FOXE1: variants seen among roughly 807,000 people sequenced by gnomAD.
FOXE1 encodes the protein forkhead box E1, also known as forkhead box protein E1.
In FOXE1, 4 loss-of-function variants were observed where a neutral mutation model predicts 2.1. The ratio of observed to expected loss-of-function variants is 1.91; its 90% CI spans 0.94 to 4.37. The LOEUF is 4.37. Among genes scored for constraint, FOXE1 ranks in the 30% most tolerant of loss-of-function variants. FOXE1 has a pLI of 0.01. For synonymous variants in FOXE1, 277 were observed against 272.4 expected (o/e 1.02, Z -0.17); for missense variants, 574 against 583.3 (o/e 0.98, Z 0.16).
In FOXE1 at chr9:97,854,063, A is replaced by C. The variant is rs750321507; in HGVS notation, c.149A>C (p.Gln50Pro). ...AGGRRRKRPL[Q>P]RGKPPYSYIA... ...GGGCGGCGCCGCAAGCGCCCCCTGC[A>C]GCGCGGGAAGCCGCCCTACAGCTAC... is the stretch of plus-strand genomic sequence containing the variant. The change falls in exon 1 of 1, where the codon CAG (glutamine) becomes CCG (proline). Residue 50 changes from glutamine to proline, a missense_variant. By Grantham distance (76) the Gln-to-Pro change is moderately conservative. Transcript: ENST00000375123. The C allele has an allele frequency of 1.3e-6, 2 of 1,550,664 alleles. No homozygotes were observed. The highest frequency in any genetic ancestry group is 2.4e-5 in the South Asian group (2 of 84,648).
In FOXE1 at chr9:97,853,877, C is replaced by T; in HGVS notation, c.-38C>T. 1 of 1,253,690 alleles carries T rather than the reference C, an allele frequency of 8.0e-7. No individual in the cohort carries two copies. Among genetic ancestry groups the T allele is most frequent in the South Asian group, 3.2e-5 (1 of 30,880 alleles). The allele number at this position is 1,253,690 out of a possible 1,614,324, so 77.7% of individuals were successfully genotyped here. ...GCCCGCCCCCGCCCCCCGACAGCCG[C>T]GGGGATCCAGAGCCCGGGGGTGCGG... On this transcript the variant is annotated 5_prime_UTR_variant, in exon 1 of 1. Coordinates refer to ENST00000375123, the MANE Select transcript of FOXE1 (RefSeq NM_004473.4).
Position 97,854,666 on chromosome 9 carries a change from C to T in FOXE1, c.752C>T (p.Ser251Phe). ...SGPGGSCAFA[S>F]AGAPATTTGY... ...CCCGGCGGCTCTTGCGCCTTTGCCT[C>T]CGCCGGCGCCCCCGCTACCACCACC... Residue 251 changes from serine to phenylalanine, a missense_variant, in exon 1 of 1, where the codon TCC (serine) becomes TTC (phenylalanine). By Grantham distance (155) the Ser-to-Phe change is radical. This residue lies in a region of FOXE1 where 316 missense variants were observed against 288.4 expected (regional missense o/e 1.10). Transcript: ENST00000375123. The T allele has an allele frequency of 1.4e-6, 2 of 1,402,784 alleles. No individual in the cohort carries two copies. Among genetic ancestry groups the T allele is most frequent in the South Asian group, 3.1e-5 (2 of 65,212 alleles). The allele number at this position is 1,402,784 out of a possible 1,614,324, so 86.9% of individuals were successfully genotyped here.
At position 97,855,439 on chromosome 9, in the gene FOXE1, C is replaced by T; in HGVS notation, c.*403C>T. The T allele has an allele frequency of 3.4e-6, 1 of 294,448 alleles. No individual in the cohort carries two copies. The highest frequency in any genetic ancestry group is 7.9e-5 in the East Asian group (1 of 12,602). The allele number at this position is 294,448 out of a possible 1,614,324, so 18.2% of individuals were successfully genotyped here. On this transcript the variant is annotated 3_prime_UTR_variant, in exon 1 of 1. Coordinates refer to ENST00000375123, the MANE Select transcript of FOXE1 (RefSeq NM_004473.4). ...CTCGGGCCTTTTTACGCGGTTCGTC[C>T]TCTAGTGCCTTTAACTGCGTTACTA...
chr9:97,853,784 G>C lies in FOXE1; in HGVS notation c.-131G>C, dbSNP rs1867280. ...TGCCAGCCTGGGCCGCTGGGCTCTC[G>C]GGGCCAGCCCGCGACGATCCCCTGA... On this transcript the variant is annotated 5_prime_UTR_variant, in exon 1 of 1. Transcript: ENST00000375123. The C allele has an allele frequency of 0.62, 529,501 of 847,778 alleles. 166,969 individuals are homozygous for C. Among genetic ancestry groups the C allele is most frequent in the East Asian group, 0.88 (23,712 of 27,062 alleles). 52.5% of individuals were successfully genotyped at this position (847,778 alleles called of 1,614,324 possible).
In FOXE1 at chr9:97,854,493, G is replaced by A. The variant is rs1233996920; in HGVS notation, c.579G>A (p.Pro193=). 1 of 1,228,778 alleles carries A rather than the reference G, an allele frequency of 8.1e-7. No homozygotes were observed. Among genetic ancestry groups the A allele is most frequent in the Non-Finnish European group, 1.0e-6 (1 of 988,766 alleles). 76.1% of individuals were successfully genotyped at this position (1,228,778 alleles called of 1,614,324 possible). Residue 193 remains proline, a synonymous_variant, in exon 1 of 1, where the codon CCG becomes CCA. Coordinates refer to ENST00000375123, the MANE Select transcript of FOXE1 (RefSeq NM_004473.4). ...GAVPAARPPY[P]GAVYAGYAPP... is the part of the protein sequence containing the mutation. ...TGCCCGCCGCGCGCCCCCCCTACCC[G>A]GGCGCCGTCTATGCAGGCTACGCGC...
Position 97,855,101 on chromosome 9 carries a change from C to T in FOXE1, c.*65C>T. ...TCACACGTTCCCCGCAATCTGAGAACGAACAGGAATGGAGAGAGGACTCAA... is the reference window on the plus strand; with the variant it reads ...TCACACGTTCCCCGCAATCTGAGAATGAACAGGAATGGAGAGAGGACTCAA... On this transcript the variant is annotated 3_prime_UTR_variant, in exon 1 of 1. Transcript: ENST00000375123. 1 of 1,578,296 alleles carries T rather than the reference C, an allele frequency of 6.3e-7. No individual in the cohort carries two copies.
rs919806056 is a variant in FOXE1, at chr9:97,854,031, G to T, written c.117G>T (p.Gly39=). ...AGVPGEATGR[G]AGGRRRKRPL... The stretch of plus-strand genomic sequence containing the variant: ...TCCCAGGGGAGGCCACGGGCCGCGG[G>T]GCGGGCGGGCGGCGCCGCAAGCGCC... The change falls in exon 1 of 1, where the codon GGG becomes GGT. Residue 39 remains glycine, a synonymous_variant. Transcript: ENST00000375123. 37 of 1,434,824 alleles carry T rather than the reference G, an allele frequency of 2.6e-5. No homozygotes were observed. Among genetic ancestry groups the T allele is most frequent in the Admixed American group, 6.1e-5 (2 of 32,810 alleles). The allele number at this position is 1,434,824 out of a possible 1,614,324, so 88.9% of individuals were successfully genotyped here.
rs941943521 is a variant in FOXE1 at position 97,856,250 on chromosome 9, T to C, written c.*1214T>C. The C allele has an allele frequency of 1.8e-5, 3 of 167,230 alleles. No homozygotes were observed. The highest frequency in any genetic ancestry group is 3.4e-3 in the Middle Eastern group (1 of 296). 10.4% of individuals were successfully genotyped at this position (167,230 alleles called of 1,614,324 possible). A position where few individuals can be genotyped will look rare whatever the true frequency, so the allele number is the denominator to read the frequency against. Reference sequence around the variant, plus strand: ...GAAAGAAACTGGAATTTTAACTTCATTTTGTATCTTGCTTAAGTAGCAGGC... The same window carrying C: ...GAAAGAAACTGGAATTTTAACTTCACTTTGTATCTTGCTTAAGTAGCAGGC... On this transcript the variant is annotated 3_prime_UTR_variant, in exon 1 of 1. Coordinates refer to ENST00000375123, the MANE Select transcript of FOXE1 (RefSeq NM_004473.4).
chr9:97,854,389 G>C lies in FOXE1; in HGVS notation c.475G>C (p.Ala159Pro). Reference sequence around the variant, plus strand: ...GCGCTCGGACCTCTCCACCTACCCGGCTTACATGCACGACGCGGCGGCTGC... The same window carrying C: ...GCGCTCGGACCTCTCCACCTACCCGCCTTACATGCACGACGCGGCGGCTGC... ...FKRSDLSTYP[A>P]YMHDAAAAAA... Residue 159 changes from alanine to proline, a missense_variant, in exon 1 of 1, where the codon GCT (alanine) becomes CCT (proline). Ala to Pro is a conservative substitution (Grantham distance 27). This residue lies in a region of FOXE1 where 249 missense variants were observed against 269.6 expected (regional missense o/e 0.92). Transcript: ENST00000375123. 7.0e-7 allele frequency: 1 copy of C among 1,426,256 alleles called. No homozygotes were observed. The highest frequency in any genetic ancestry group is 9.2e-7 in the Non-Finnish European group (1 of 1,088,654). The allele number at this position is 1,426,256 out of a possible 1,614,324, so 88.4% of individuals were successfully genotyped here.
At position 97,853,625 on chromosome 9, in the gene FOXE1, C is replaced by T. The variant is rs1830619793; in HGVS notation, c.-290C>T. ...CTTCAGCCGGAGACCAGAGTCCAGT[C>T]CCGGTCACGAGGCCACCGCCGCTGC... On this transcript the variant is annotated 5_prime_UTR_variant, in exon 1 of 1. Coordinates refer to ENST00000375123, the MANE Select transcript of FOXE1 (RefSeq NM_004473.4). 1 of 342,404 alleles carries T rather than the reference C, an allele frequency of 2.9e-6. No individual in the cohort carries two copies. Among genetic ancestry groups the T allele is most frequent in the Non-Finnish European group, 5.2e-6 (1 of 191,282 alleles). 21.2% of individuals were successfully genotyped at this position (342,404 alleles called of 1,614,324 possible). A position where few individuals can be genotyped will look rare whatever the true frequency, so the allele number is the denominator to read the frequency against.
Position 97,854,277 on chromosome 9 carries a change from G to A in FOXE1, c.363G>A (p.Pro121=), listed in dbSNP as rs376119136. Residue 121 remains proline (P), a synonymous_variant, in exon 1 of 1, where the codon CCG becomes CCA. Transcript: ENST00000375123. ...AGATCCCGCGCGAGGCCGGCCGCCC[G>A]GGTAAGGGCAACTACTGGGCGCTTG... ...FLKIPREAGR[P]GKGNYWALDP... 8.7e-6 allele frequency: 14 copies of A among 1,612,632 alleles called. No homozygotes were observed. The highest frequency in any genetic ancestry group is 2.2e-5 in the East Asian group (1 of 44,778).
chr9:97,854,630 C>A lies in FOXE1; in HGVS notation c.716C>A (p.Ala239Glu). 1 of 1,393,020 alleles carries A rather than the reference C, an allele frequency of 7.2e-7. No homozygotes were observed. The highest frequency in any genetic ancestry group is 9.2e-7 in the Non-Finnish European group (1 of 1,082,608). 86.3% of individuals were successfully genotyped at this position (1,393,020 alleles called of 1,614,324 possible). The change falls in exon 1 of 1, where the codon GCA becomes GAA. Residue 239 changes from alanine (A) to glutamate (E), a missense_variant. Around this residue, in one of 3 missense-constraint regions of FOXE1, gnomAD observed 316 missense variants for 288.4 expected, o/e 1.10. Transcript: ENST00000375123. ...ERPLSPELGP[A>E]PSGPGGSCAF... Reference sequence around the variant, plus strand: ...CCGCTCAGCCCAGAGCTGGGGCCCGCACCGTCGGGGCCCGGCGGCTCTTGC... The same window carrying A: ...CCGCTCAGCCCAGAGCTGGGGCCCGAACCGTCGGGGCCCGGCGGCTCTTGC...
At position 97,854,487 on chromosome 9, in the gene FOXE1, C is replaced by T. The variant is rs1223667034; in HGVS notation, c.573C>T (p.Pro191=). 6.5e-6 allele frequency: 8 copies of T among 1,230,318 alleles called. No individual in the cohort carries two copies. The African/African-American group carries it at 9.5e-5, about 15-fold the overall frequency. 76.2% of individuals were successfully genotyped at this position (1,230,318 alleles called of 1,614,324 possible). A position where few individuals can be genotyped will look rare whatever the true frequency, so the allele number is the denominator to read the frequency against. The change falls in exon 1 of 1, where the codon CCC becomes CCT. Residue 191 remains proline, a synonymous_variant. Coordinates refer to ENST00000375123, the MANE Select transcript of FOXE1 (RefSeq NM_004473.4). ...FPGAVPAARP[P]YPGAVYAGYA... ...GCGCGGTGCCCGCCGCGCGCCCCCC[C>T]TACCCGGGCGCCGTCTATGCAGGCT...
At position 97,854,284 on chromosome 9, in the gene FOXE1, G is replaced by C. The variant is rs774035532; in HGVS notation, c.370G>C (p.Gly124Arg). ...IPREAGRPGKGNYWALDPNAE... is the reference protein window; with the variant it reads ...IPREAGRPGKRNYWALDPNAE... ...GCGCGAGGCCGGCCGCCCGGGTAAG[G>C]GCAACTACTGGGCGCTTGACCCCAA... Residue 124 changes from glycine to arginine, a missense_variant, in exon 1 of 1, where the codon GGC becomes CGC. By Grantham distance (125) the Gly-to-Arg change is moderately radical. Transcript: ENST00000375123. 2.5e-6 allele frequency: 4 copies of C among 1,612,542 alleles called. No homozygotes were observed. The Admixed American group carries it at 6.7e-5, about 27-fold the overall frequency.
At position 97,854,029 on chromosome 9, in the gene FOXE1, G is replaced by A. The variant is rs1830626577; in HGVS notation, c.115G>A (p.Gly39Arg). Reference protein sequence around the residue: ...AGVPGEATGRGAGGRRRKRPL... With the variant: ...AGVPGEATGRRAGGRRRKRPL... ...GGTCCCAGGGGAGGCCACGGGCCGC[G>A]GGGCGGGCGGGCGGCGCCGCAAGCG... The change falls in exon 1 of 1, where the codon GGG (glycine) becomes AGG (arginine). Residue 39 changes from glycine to arginine, a missense_variant. Gly to Arg is a moderately radical substitution (Grantham distance 125, BLOSUM62 -2). Transcript: ENST00000375123. The A allele has an allele frequency of 1.4e-6, 2 of 1,425,198 alleles. No homozygotes were observed. The highest frequency in any genetic ancestry group is 1.8e-6 in the Non-Finnish European group (2 of 1,093,566). 88.3% of individuals were successfully genotyped at this position (1,425,198 alleles called of 1,614,324 possible). A position where few individuals can be genotyped will look rare whatever the true frequency, so the allele number is the denominator to read the frequency against.
chr9:97,854,629 G>T lies in FOXE1; in HGVS notation c.715G>T (p.Ala239Ser), dbSNP rs756579198. 7.2e-7 allele frequency: 1 copy of T among 1,390,750 alleles called. No homozygotes were observed. Among genetic ancestry groups the T allele is most frequent in the Admixed American group, 3.5e-5 (1 of 28,244 alleles). The allele number at this position is 1,390,750 out of a possible 1,614,324, so 86.2% of individuals were successfully genotyped here. The change falls in exon 1 of 1, where the codon GCA becomes TCA. Residue 239 changes from alanine (A) to serine (S), a missense_variant. Ala to Ser is a moderately conservative substitution (Grantham distance 99). Coordinates refer to ENST00000375123, the MANE Select transcript of FOXE1 (RefSeq NM_004473.4). The stretch of plus-strand genomic sequence containing the variant: ...GCCGCTCAGCCCAGAGCTGGGGCCC[G>T]CACCGTCGGGGCCCGGCGGCTCTTG... ...ERPLSPELGPAPSGPGGSCAF... is the reference protein window; with the variant it reads ...ERPLSPELGPSPSGPGGSCAF...
chr9:97,853,913 C>T lies in FOXE1; in HGVS notation c.-2C>T. On this transcript the variant is annotated 5_prime_UTR_variant, in exon 1 of 1. Transcript: ENST00000375123. ...AGCCCGGGGGTGCGGGACGCCCGCG[C>T]CATGACTGCCGAGAGCGGGCCGCCG... 7.8e-7 allele frequency: 1 copy of T among 1,286,658 alleles called. No homozygotes were observed. The highest frequency in any genetic ancestry group is 3.2e-5 in the East Asian group (1 of 31,144). 79.7% of individuals were successfully genotyped at this position (1,286,658 alleles called of 1,614,324 possible).
Position 97,854,782 on chromosome 9 carries a change from C to T in FOXE1, c.868C>T (p.Gln290Ter). The change falls in exon 1 of 1, where the codon CAG becomes TAG. Residue 290 changes from glutamine (Q) to a stop codon, truncating the protein, a stop_gained. Coordinates refer to ENST00000375123, the MANE Select transcript of FOXE1 (RefSeq NM_004473.4). LOFTEE classifies it low-confidence loss of function (END_TRUNC). The part of the protein sequence containing the change: ...AYAGPDGAYP[Q>*]GAGSAIFAAA... ...CGCGGGCCCCGACGGCGCGTACCCGCAGGGCGCCGGCAGTGCGATCTTTGC... is the reference window on the plus strand; with the variant it reads ...CGCGGGCCCCGACGGCGCGTACCCGTAGGGCGCCGGCAGTGCGATCTTTGC... The T allele has an allele frequency of 6.6e-7, 1 of 1,516,922 alleles. No homozygotes were observed. Among genetic ancestry groups the T allele is most frequent in the Non-Finnish European group, 8.8e-7 (1 of 1,139,796 alleles). 94.0% of individuals were successfully genotyped at this position (1,516,922 alleles called of 1,614,324 possible).
Position 97,854,241 on chromosome 9 carries a change from C to G in FOXE1, c.327C>G (p.Asp109Glu), listed in dbSNP as rs754019645. The G allele has an allele frequency of 6.2e-7, 1 of 1,613,140 alleles. No individual in the cohort carries two copies. The highest frequency in any genetic ancestry group is 8.5e-7 in the Non-Finnish European group (1 of 1,179,666). Reference protein sequence around the residue: ...NSIRHNLTLNDCFLKIPREAG... With the variant: ...NSIRHNLTLNECFLKIPREAG... Reference sequence around the variant, plus strand: ...TCCGCCACAACCTCACACTCAACGACTGCTTCCTCAAGATCCCGCGCGAGG... The same window carrying G: ...TCCGCCACAACCTCACACTCAACGAGTGCTTCCTCAAGATCCCGCGCGAGG... The change falls in exon 1 of 1, where the codon GAC becomes GAG. Residue 109 changes from aspartate (D) to glutamate (E), a missense_variant. By Grantham distance (45) the Asp-to-Glu change is conservative. Coordinates refer to ENST00000375123, the MANE Select transcript of FOXE1 (RefSeq NM_004473.4).
Sources: allele counts gnomAD v4.1 joint callset, GRCh38; gene constraint gnomAD v4.1.1; regional missense constraint gnomAD v4.1.1; transcripts MANE v1.5; gene names NCBI Gene and HGNC (gene_info 2026-07-23, HGNC 2026-07-21).